NRP1: variants seen among roughly 807,000 people sequenced by gnomAD.
The protein encoded by NRP1 is neuropilin 1, also known as neuropilin-1.
A neutral mutation model predicts 106.7 loss-of-function variants in NRP1; 35 were observed. That is an observed-to-expected ratio of 0.33 (90% CI 0.25 to 0.43). The LOEUF (loss-of-function observed/expected upper bound fraction) is 0.43, where lower values mean the gene tolerates loss of function less well. Among genes scored for constraint, NRP1 ranks in the 20% least tolerant of loss-of-function variants. The probability of loss-of-function intolerance (pLI) is 1.00; values close to 1 mark genes in which losing one functional copy is unlikely to be tolerated. For synonymous variants in NRP1, 437 were observed against 417.9 expected, an observed-to-expected ratio of 1.05 and a Z score of -0.56; for missense variants, 1,024 against 1,170.4, an observed-to-expected ratio of 0.87 and a Z score of 1.83.
intron 2 of NRP1, among the ~76,000 whole-genome samples, chr10:33,307,077 C>T (rs1469873860): frequency 2.0e-5 from 3 of 152,182 alleles, no homozygotes; most frequent in Non-Finnish European, 2.9e-5. Context: ...TTCCAAATCG[C>T]TTTGCAACAA....
intron 9 of NRP1, among the ~76,000 whole-genome samples, 176 bp from the exon 10 acceptor site, chr10:33,207,892 T>C (rs1187684420): frequency 6.6e-6 from 1 of 152,200 alleles, no homozygotes; most frequent in Non-Finnish European, 1.5e-5. Flanking sequence ...TTAAAGCTTC[T>C]CTAAGAAGTG....
chr10:33,222,911 C>T (rs928834397), intron 7 of NRP1, among the ~76,000 whole-genome samples: 8 of 152,210 alleles, frequency 5.3e-5, no homozygotes, highest in African/African-American at 1.9e-4. Context: ...CTCGTGGGGG[C>T]CACTCTGCCT....
intron 3 of NRP1, among the ~76,000 whole-genome samples, chr10:33,265,941 T>A (rs1273639977): frequency 1.3e-5 from 2 of 152,160 alleles, no homozygotes; most frequent in Non-Finnish European, 2.9e-5. Context: ...AAAAAATATA[T>A]ATATACATAC....
chr10:33,229,146 T>C (rs1839908003), intron 6 of NRP1, among the ~76,000 whole-genome samples: 1 of 152,248 alleles, frequency 6.6e-6, no homozygotes, highest in South Asian at 2.1e-4. Context: ...ATTTGGGCTG[T>C]AGTTACACTA....
At chr10:33,330,923 C>T (rs1197936176) in intron 1 of NRP1, 41 bp from the exon 2 acceptor site, 1 of 1,494,410 alleles carries the variant, frequency 6.7e-7, no homozygotes, top group East Asian at 2.3e-5. Flanking sequence ...TTCCTGACAA[C>T]CTGTTAGGTA....
chr10:33,199,673 A>G (rs889685043), intron 11 of NRP1, among the ~76,000 whole-genome samples: 1 of 151,980 alleles, frequency 6.6e-6, no homozygotes, highest in Non-Finnish European at 1.5e-5. Flanking sequence ...GATGCAGATT[A>G]TGGTTGGAAG....
intron 1 of NRP1, among the ~76,000 whole-genome samples, chr10:33,331,637 C>G (rs1004349579): frequency 6.6e-6 from 1 of 152,190 alleles, no homozygotes; most frequent in Non-Finnish European, 1.5e-5. Context: ...GTCTGGGTAT[C>G]ACATATGGTA....
At chr10:33,249,339 C>T (rs542488373) in intron 6 of NRP1, 23 of 406,140 alleles carry the variant, frequency 5.7e-5, no homozygotes, top group Middle Eastern at 3.9e-4. Flanking sequence ...ACTTAGTTTG[C>T]GGAAATGAAA....
rs117040419 is a variant in NRP1, at chr10:33,274,701, C to T, written c.249-3845G>A. 1.5e-4 allele frequency among the ~76,000 whole-genome samples: 23 copies of T among 152,230 alleles called. No homozygotes were observed. In the East Asian group the frequency reaches 2.5e-3, roughly 17 times the overall value. On this transcript the variant is annotated intron_variant, in intron 2 of 16. Coordinates refer to ENST00000374867, the MANE Select transcript of NRP1 (RefSeq NM_003873.7). ...CTGACACTGTGAGCTACTGCACCAA[C>T]CCCCCAGGCTTCCGGACATTCTCAC...
intron 2 of NRP1, among the ~76,000 whole-genome samples, chr10:33,296,960 C>T (rs909356498): frequency 6.6e-6 from 1 of 150,998 alleles, no homozygotes; most frequent in Non-Finnish European, 1.5e-5. Flanking sequence ...ACCCAGGAGG[C>T]GGAGTTTGCA....
chr10:33,233,063 G>A (rs1354243947), intron 6 of NRP1, among the ~76,000 whole-genome samples: 1 of 152,100 alleles, frequency 6.6e-6, no homozygotes, highest in African/African-American at 2.4e-5. Context: ...CACTGGTGGT[G>A]GAAAGTCTAC....
chr10:33,334,449 G>C lies in NRP1; in HGVS notation c.-67C>G. 5.0e-6 allele frequency: 7 copies of C among 1,408,012 alleles called. No individual in the cohort carries two copies. The highest frequency in any genetic ancestry group is 6.8e-6 in the Non-Finnish European group (7 of 1,028,562). The allele number at this position is 1,408,012 out of a possible 1,614,324, so 87.2% of individuals were successfully genotyped here. ...GACGTGGGGGGAAATGCAGCAAAGA[G>C]GAGAATCTAAGCGATCCGAAGAGCC... On this transcript the variant is annotated 5_prime_UTR_variant, in exon 1 of 17. Coordinates refer to ENST00000374867, the MANE Select transcript of NRP1 (RefSeq NM_003873.7).
At chr10:33,220,916 A>G (rs1323193077) in intron 8 of NRP1, among the ~76,000 whole-genome samples, 17 of 151,352 alleles carry the variant, frequency 1.1e-4, no homozygotes, top group Admixed American at 1.1e-3. Context: ...AAAAAAAAAA[A>G]AAAAAAAGAA....
chr10:33,264,680 G>T (rs1213533049), intron 3 of NRP1, among the ~76,000 whole-genome samples: 1 of 152,160 alleles, frequency 6.6e-6, no homozygotes, highest in Non-Finnish European at 1.5e-5. Context: ...TACAAATTAT[G>T]GTGATTTGTC....
chr10:33,334,085 C>T (rs1387013987), intron 1 of NRP1, among the ~76,000 whole-genome samples: 1 of 152,206 alleles, frequency 6.6e-6, no homozygotes, highest in Admixed American at 6.5e-5. Context: ...GGAAAAGCCC[C>T]ACAGCCCAAG....
intron 6 of NRP1, among the ~76,000 whole-genome samples, chr10:33,246,774 G>T (rs1481307997): frequency 1.3e-5 from 2 of 152,052 alleles, no homozygotes; most frequent in East Asian, 3.9e-4. Context: ...TGTAATTTTG[G>T]CAATTTACTA....
intron 2 of NRP1, among the ~76,000 whole-genome samples, chr10:33,304,498 A>G (rs1479550280): frequency 6.6e-6 from 1 of 152,164 alleles, no homozygotes; most frequent in African/African-American, 2.4e-5. Flanking sequence ...CTTATTACCA[A>G]TTATGACCTC....
chr10:33,250,794 G>A (rs2133149076), intron 6 of NRP1, among the ~76,000 whole-genome samples: 1 of 152,334 alleles, frequency 6.6e-6, no homozygotes, highest in East Asian at 1.9e-4. Flanking sequence ...ACTTAGGACA[G>A]ATCGGGCCAC....
chr10:33,318,590 G>A (rs1847206061), intron 2 of NRP1, among the ~76,000 whole-genome samples: 1 of 151,916 alleles, frequency 6.6e-6, no homozygotes, highest in Non-Finnish European at 1.5e-5. Context: ...GGGGAGAAAC[G>A]GGAAGAAGAA....
Sources: allele counts gnomAD v4.1 joint callset (sites outside exome capture counted in the v4.1 genomes callset), GRCh38; gene constraint gnomAD v4.1.1; transcripts MANE v1.5; gene names NCBI Gene and HGNC (gene_info 2026-07-23, HGNC 2026-07-21).